Variants in PLD5 observed in about 807,000 individuals in gnomAD.
The protein encoded by PLD5 is phospholipase D family member 5, also known as inactive phospholipase D5.
A neutral mutation model predicts 61.1 loss-of-function variants in PLD5; 36 were observed. The observed-to-expected ratio is 0.59, with a 90% CI of 0.45 to 0.78. The LOEUF is 0.78. PLD5 is among the 30% of genes least tolerant of loss of function. The pLI is 0.00. For missense variants in PLD5, 515 were observed against 644.4 expected (o/e 0.80, Z 2.17); for synonymous variants, 243 against 242.8 (o/e 1.00, Z -0.01).
At chr1:242,174,655 T>C (rs1028753141) in intron 5 of PLD5, among the ~76,000 whole-genome samples, 2 of 152,192 alleles carry the variant, frequency 1.3e-5, no homozygotes, top group Non-Finnish European at 2.9e-5. Context: ...AACCCAAATG[T>C]CCATCAATGA....
At chr1:242,528,671 G>T (rs550045687), upstream of PLD5, among the ~76,000 whole-genome samples, 130 of 152,222 alleles carry the variant, frequency 8.5e-4, no homozygotes, top group Non-Finnish European at 1.6e-3. Flanking sequence ...AAGTAGTCTT[G>T]GTACTTGCTA....
At chr1:242,102,235 T>A (rs965188024) in intron 8 of PLD5, among the ~76,000 whole-genome samples, 2 of 152,186 alleles carry the variant, frequency 1.3e-5, no homozygotes, top group African/African-American at 4.8e-5. Flanking sequence ...AGAATCAAGA[T>A]GGATTTCAAA....
At chr1:242,190,688 G>T (rs1481374547) in intron 5 of PLD5, among the ~76,000 whole-genome samples, 1 of 151,724 alleles carries the variant, frequency 6.6e-6, no homozygotes, top group East Asian at 2.0e-4. Flanking sequence ...TGGAGATCAG[G>T]CTGGGCAACA....
chr1:242,149,245 A>T (rs550702806), intron 5 of PLD5, among the ~76,000 whole-genome samples: 1 of 151,938 alleles, frequency 6.6e-6, no homozygotes, highest in East Asian at 1.9e-4. Flanking sequence ...TTTGAACTCA[A>T]TGTGATAATT....
intron 5 of PLD5, among the ~76,000 whole-genome samples, chr1:242,176,334 GA>G (rs1389046402): frequency 6.6e-6 from 1 of 152,154 alleles, no homozygotes; most frequent in Admixed American, 6.5e-5. Context: ...AAGCAATGGG[GA>G]AAGGATTCCC....
chr1:242,412,088 G>T (rs1664588259), intron 1 of PLD5, among the ~76,000 whole-genome samples: 1 of 152,192 alleles, frequency 6.6e-6, no homozygotes, highest in Non-Finnish European at 1.5e-5. Context: ...TCAGGGAGGG[G>T]TGAAGGAATG....
intron 5 of PLD5, among the ~76,000 whole-genome samples, chr1:242,201,314 T>G (rs940135232): frequency 1.3e-5 from 2 of 152,200 alleles, no homozygotes; most frequent in East Asian, 1.9e-4. Flanking sequence ...GAATGATTTA[T>G]GGGCATAAAA....
chr1:242,336,971 T>C (rs1261000022), intron 2 of PLD5, among the ~76,000 whole-genome samples: 2 of 152,248 alleles, frequency 1.3e-5, no homozygotes, highest in Non-Finnish European at 2.9e-5. Context: ...GAATATGTAC[T>C]AGTATGATCA....
intron 2 of PLD5, among the ~76,000 whole-genome samples, chr1:242,344,135 G>C (rs1659996848): frequency 6.6e-6 from 1 of 152,302 alleles, no homozygotes; most frequent in South Asian, 2.1e-4. Context: ...GCCGGGACTT[G>C]ATTAATGACC....
At chr1:242,348,841 T>G (rs1239036494) in intron 1 of PLD5, among the ~76,000 whole-genome samples, 4 of 152,128 alleles carry the variant, frequency 2.6e-5, no homozygotes, top group South Asian at 2.1e-4. Context: ...GATCATGAGG[T>G]CAGGAGATCA....
rs145079513 is a variant in PLD5, at chr1:242,321,793, G to A, written c.326+26313C>T. On this transcript the variant is annotated intron_variant, in intron 2 of 9. Transcript: ENST00000536534. ...CTCTGTGATTCTCCCTTGTGTGCACGTTTATAAATGTTTACTCCTTTTCTC... is the reference window on the plus strand; with the variant it reads ...CTCTGTGATTCTCCCTTGTGTGCACATTTATAAATGTTTACTCCTTTTCTC... Among the ~76,000 whole-genome samples, 253 of 152,208 alleles carry A rather than the reference G, an allele frequency of 1.7e-3. 2 individuals carry two copies. The highest frequency in any genetic ancestry group is 5.6e-3 in the African/African-American group (232 of 41,534).
intron 1 of PLD5, among the ~76,000 whole-genome samples, chr1:242,508,328 G>A (rs569689018): frequency 3.3e-5 from 5 of 151,962 alleles, no homozygotes; most frequent in East Asian, 3.9e-4. Context: ...AGCTGAGATC[G>A]TGCCATTGCA....
chr1:242,478,425 G>A (rs1348429239), intron 1 of PLD5, among the ~76,000 whole-genome samples: 2 of 152,188 alleles, frequency 1.3e-5, no homozygotes, highest in South Asian at 2.1e-4. Context: ...AGGAATAGGA[G>A]AGAGGTGACT....
chr1:242,353,901 C>A (rs1000110145), intron 1 of PLD5, among the ~76,000 whole-genome samples: 5 of 151,494 alleles, frequency 3.3e-5, no homozygotes, highest in African/African-American at 1.2e-4. Context: ...CTCTCGATTT[C>A]TTTTCCAAAG....
At chr1:242,335,755 T>C (rs1558475430) in intron 2 of PLD5, among the ~76,000 whole-genome samples, 1 of 152,210 alleles carries the variant, frequency 6.6e-6, no homozygotes, top group Non-Finnish European at 1.5e-5. Flanking sequence ...GCTCACCTTA[T>C]ATATGCACAA....
intron 2 of PLD5, among the ~76,000 whole-genome samples, chr1:242,339,114 A>G (rs1238255361): frequency 1.3e-5 from 2 of 152,146 alleles, no homozygotes; most frequent in East Asian, 3.9e-4. Flanking sequence ...ATATTCTACT[A>G]TGGAGGAATA....
At chr1:242,280,322 G>A (rs1299564360) in intron 3 of PLD5, among the ~76,000 whole-genome samples, 2 of 152,292 alleles carry the variant, frequency 1.3e-5, no homozygotes, top group South Asian at 2.1e-4. Context: ...CTGCGAATTT[G>A]CCTTTTCTAT....
intron 8 of PLD5, among the ~76,000 whole-genome samples, chr1:242,106,877 G>T (rs1661097614): frequency 6.6e-6 from 1 of 152,238 alleles, no homozygotes; most frequent in Admixed American, 6.5e-5. Context: ...TGGAGAAGAA[G>T]AGTGTTGTAG....
At chr1:242,195,802 G>T (rs1275466602) in intron 5 of PLD5, among the ~76,000 whole-genome samples, 2 of 152,184 alleles carry the variant, frequency 1.3e-5, no homozygotes, top group African/African-American at 4.8e-5. Context: ...GTGAAATAAA[G>T]GGAGGAAGAG....
Sources: allele counts gnomAD v4.1 joint callset (sites outside exome capture counted in the v4.1 genomes callset), GRCh38; gene constraint gnomAD v4.1.1; transcripts MANE v1.5; gene names NCBI Gene and HGNC (gene_info 2026-07-23, HGNC 2026-07-21).